Variants in DLG2 observed in about 807,000 individuals in gnomAD.
DLG2 encodes disks large homolog 2.
Under a neutral mutation model 132.5 loss-of-function variants are expected in DLG2, and 45 were observed. The observed-to-expected ratio is 0.34, with a 90% confidence interval of 0.27 to 0.44. The LOEUF is 0.44. Ranked by LOEUF, DLG2 falls within the 20% of genes least tolerant of loss-of-function variation. The pLI is 1.00. For missense variants in DLG2, 1,045 were observed against 1,196.9 expected (o/e 0.87, Z 1.87); for synonymous variants, 424 against 419.6 (o/e 1.01, Z -0.13).
intron 6 of DLG2, among the ~76,000 whole-genome samples, chr11:85,096,210 C>G (rs1037773654): frequency 3.9e-5 from 6 of 152,156 alleles, no homozygotes; most frequent in African/African-American, 1.4e-4. Flanking sequence ...GCTGGCCACC[C>G]GCGCCAGCAG....
Position 83,936,315 on chromosome 11 carries a change from G to C in DLG2, c.1341-5832C>G, listed in dbSNP as rs2081422969. On this transcript the variant is annotated intron_variant, in intron 14 of 27. Transcript: ENST00000376104. ...GTAATTGATCCTCTTTAATAGCCCT[G>C]GAGGTTGATGACCACTTTCTCTGTA... 3.9e-5 allele frequency among the ~76,000 whole-genome samples: 6 copies of C among 152,154 alleles called. No homozygotes were observed. In the South Asian group the frequency reaches 1.2e-3, roughly 32 times the overall value.
At chr11:84,303,697 C>T (rs1310333265) in intron 7 of DLG2, among the ~76,000 whole-genome samples, 1 of 152,040 alleles carries the variant, frequency 6.6e-6, no homozygotes, top group African/African-American at 2.4e-5. Flanking sequence ...TCCAATATTT[C>T]AATAGCACCA....
At chr11:84,599,667 G>A (rs762114129) in intron 6 of DLG2, among the ~76,000 whole-genome samples, 4 of 152,132 alleles carry the variant, frequency 2.6e-5, no homozygotes, top group Non-Finnish European at 4.4e-5. Context: ...GGAGCATTTA[G>A]TATTCAGGTA....
chr11:84,278,051 T>G (rs1212067984), intron 7 of DLG2, among the ~76,000 whole-genome samples: 1 of 145,614 alleles, frequency 6.9e-6, no homozygotes, highest in Non-Finnish European at 1.5e-5. Context: ...GGCTAAGTTT[T>G]TTTTTTTTTT....
intron 6 of DLG2, among the ~76,000 whole-genome samples, chr11:84,872,423 AAC>A (rs751288003): frequency 8.5e-5 from 13 of 152,326 alleles, no homozygotes; most frequent in African/African-American, 2.4e-4. Context: ...AGAAAAATGA[AAC>A]AGAGTCCTTG....
chr11:85,365,005 T>A (rs948381311), intron 3 of DLG2, among the ~76,000 whole-genome samples: 2 of 152,064 alleles, frequency 1.3e-5, no homozygotes, highest in African/African-American at 4.8e-5. Flanking sequence ...AGTCATACTT[T>A]AATCTGGGAC....
intron 11 of DLG2, among the ~76,000 whole-genome samples, chr11:84,020,333 A>T (rs2095354190): frequency 1.3e-5 from 2 of 152,204 alleles, no homozygotes; most frequent in South Asian, 4.1e-4. Context: ...ATAGATATAG[A>T]TGATATGTGT....
At chr11:84,346,712 G>A (rs1262434855) in intron 7 of DLG2, among the ~76,000 whole-genome samples, 1 of 152,104 alleles carries the variant, frequency 6.6e-6, no homozygotes, top group Non-Finnish European at 1.5e-5. Context: ...CGAGTAGCTG[G>A]GATTACAGGC....
At chr11:84,974,492 C>T (rs2054581426) in intron 6 of DLG2, among the ~76,000 whole-genome samples, 1 of 152,154 alleles carries the variant, frequency 6.6e-6, no homozygotes, top group South Asian at 2.1e-4. Context: ...TAAGATAAAA[C>T]ATCTGGAATG....
intron 6 of DLG2, among the ~76,000 whole-genome samples, chr11:84,598,111 A>G (rs547820418): frequency 1.3e-5 from 2 of 152,326 alleles, no homozygotes; most frequent in South Asian, 4.1e-4. Context: ...AGGTTTGGGG[A>G]GTACTGTACC....
intron 7 of DLG2, among the ~76,000 whole-genome samples, chr11:84,503,696 A>G (rs2099229388): frequency 1.3e-5 from 2 of 152,312 alleles, no homozygotes; most frequent in South Asian, 4.1e-4. Flanking sequence ...GATGGTCCTT[A>G]AGAAAAGTCT....
At chr11:84,453,665 T>A (rs1232712471) in intron 7 of DLG2, among the ~76,000 whole-genome samples, 1 of 151,672 alleles carries the variant, frequency 6.6e-6, no homozygotes, top group East Asian at 1.9e-4. Context: ...TTTCAAAGAA[T>A]TCAGTGTGGT....
At chr11:85,388,796 C>T (rs571888521) in intron 3 of DLG2, among the ~76,000 whole-genome samples, 7 of 152,176 alleles carry the variant, frequency 4.6e-5, no homozygotes, top group East Asian at 1.9e-4. Flanking sequence ...CTAGGAGAAA[C>T]GGGAGAGCAC....
At chr11:83,762,566 T>C (rs1249232911) in intron 18 of DLG2, among the ~76,000 whole-genome samples, 5 of 151,972 alleles carry the variant, frequency 3.3e-5, no homozygotes, top group African/African-American at 1.2e-4. Context: ...AACCTAAGTG[T>C]TGAGATTAAG....
chr11:84,896,923 C>G (rs1169091307), intron 6 of DLG2, among the ~76,000 whole-genome samples: 1 of 151,360 alleles, frequency 6.6e-6, no homozygotes, highest in East Asian at 1.9e-4. Flanking sequence ...TTTGGGCATC[C>G]ATTGGGGGTT....
chr11:83,903,632 T>C (rs984318707), intron 15 of DLG2, among the ~76,000 whole-genome samples: 9 of 152,158 alleles, frequency 5.9e-5, no homozygotes, highest in African/African-American at 2.2e-4. Context: ...TTAGGCAAAT[T>C]GGCAGCATCA....
Position 84,994,447 on chromosome 11 carries a change from T to C in DLG2, c.357+117214A>G, listed in dbSNP as rs1334526348. 2.0e-5 allele frequency among the ~76,000 whole-genome samples: 3 copies of C among 152,204 alleles called. No homozygotes were observed. The East Asian group carries it at 5.8e-4, about 29-fold the overall frequency. On this transcript the variant is annotated intron_variant, in intron 6 of 27. Transcript: ENST00000376104. ...ATTTGGAGAGCAGCCAACTAGCCAC[T>C]GAAGTTAAGGTGGTTACTTCTCTGT...
chr11:85,123,901 T>C (rs1469191806), intron 5 of DLG2, among the ~76,000 whole-genome samples: 1 of 152,234 alleles, frequency 6.6e-6, no homozygotes, highest in African/African-American at 2.4e-5. Context: ...ACATTTGGTA[T>C]CTTTCTCTCA....
At chr11:83,466,450 T>C (rs759768878) in intron 26 of DLG2, among the ~76,000 whole-genome samples, 2 of 151,872 alleles carry the variant, frequency 1.3e-5, no homozygotes, top group African/African-American at 2.4e-5. Flanking sequence ...ACAATAAAAA[T>C]CAGGAAACAT....
Sources: allele counts gnomAD v4.1 joint callset (sites outside exome capture counted in the v4.1 genomes callset), GRCh38; gene constraint gnomAD v4.1.1; transcripts MANE v1.5; gene names NCBI Gene and HGNC (gene_info 2026-07-23, HGNC 2026-07-21).